CDC42SE2: variants seen among roughly 807,000 people sequenced by gnomAD.
The protein encoded by CDC42SE2 is CDC42 small effector protein 2.
Under a neutral mutation model 11.5 loss-of-function variants are expected in CDC42SE2, and 3 were observed. The ratio of observed to expected loss-of-function variants is 0.26; its 90% CI spans 0.12 to 0.67. The LOEUF (loss-of-function observed/expected upper bound fraction) is 0.67, where lower values mean the gene tolerates loss of function less well. Among genes scored for constraint, CDC42SE2 ranks in the 30% least tolerant of loss-of-function variants. The pLI, the probability that CDC42SE2 is intolerant of heterozygous loss-of-function variation, is 0.80. For missense variants in CDC42SE2, 82 were observed against 106.8 expected (o/e 0.77, Z 1.02); for synonymous variants, 33 against 34.8 (o/e 0.95, Z 0.18).
At chr5:131,286,392 T>TTG (rs1299893442) in intron 1 of CDC42SE2, among the ~76,000 whole-genome samples, 115 of 148,436 alleles carry the variant, frequency 7.7e-4, no homozygotes, top group Non-Finnish European at 1.4e-3. Context: ...CCAGTTTTTT[T>TTG]TTTTTTTTTT....
chr5:131,382,335 C>A (rs374198867), intron 3 of CDC42SE2, among the ~76,000 whole-genome samples: 2 of 152,130 alleles, frequency 1.3e-5, no homozygotes, highest in African/African-American at 4.8e-5. Context: ...TCTATTCATT[C>A]TTTTTGGGTG....
At chr5:131,289,075 TTCA>T (rs1757398879) in intron 1 of CDC42SE2, among the ~76,000 whole-genome samples, 1 of 152,234 alleles carries the variant, frequency 6.6e-6, no homozygotes, top group African/African-American at 2.4e-5. Context: ...ATTAATGTTT[TTCA>T]TCATAAGTTT....
intron 1 of CDC42SE2, among the ~76,000 whole-genome samples, chr5:131,281,421 T>C (rs1257858906): frequency 2.0e-5 from 3 of 152,222 alleles, no homozygotes; most frequent in African/African-American, 7.2e-5. Context: ...AGAAGTGTTT[T>C]TTATCTACAT....
chr5:131,293,497 G>A (rs1035184974), intron 1 of CDC42SE2, among the ~76,000 whole-genome samples: 10 of 151,568 alleles, frequency 6.6e-5, no homozygotes, highest in African/African-American at 2.4e-4. Flanking sequence ...GCTTGAACCC[G>A]GGAGGCGGAG....
intron 1 of CDC42SE2, among the ~76,000 whole-genome samples, chr5:131,288,500 A>C (rs1247881790): frequency 6.6e-6 from 1 of 151,964 alleles, no homozygotes; most frequent in African/African-American, 2.4e-5. Context: ...TGTAATTTCG[A>C]TTCCTTTTTT....
chr5:131,311,351 C>G (rs1045458596), intron 1 of CDC42SE2, among the ~76,000 whole-genome samples: 1 of 152,060 alleles, frequency 6.6e-6, no homozygotes. Context: ...GGTAACCCGA[C>G]TTTTCTCTCT....
At chr5:131,269,180 C>A (rs1366491733) in intron 1 of CDC42SE2, among the ~76,000 whole-genome samples, 2 of 152,038 alleles carry the variant, frequency 1.3e-5, no homozygotes, top group Non-Finnish European at 2.9e-5. Context: ...TGCTTTGGGC[C>A]CTCATCCAAA....
intron 2 of CDC42SE2, among the ~76,000 whole-genome samples, chr5:131,341,071 T>C (rs1175384946): frequency 6.6e-6 from 1 of 152,126 alleles, no homozygotes; most frequent in Non-Finnish European, 1.5e-5. Flanking sequence ...TTTGGAAAAA[T>C]ATTAATCATC....
intron 2 of CDC42SE2, among the ~76,000 whole-genome samples, chr5:131,317,416 G>GA (rs1758063312): frequency 6.6e-6 from 1 of 152,172 alleles, no homozygotes; most frequent in South Asian, 2.1e-4. Context: ...TCAATAGTAA[G>GA]AAGCATAATT....
intron 4 of CDC42SE2, among the ~76,000 whole-genome samples, chr5:131,387,278 G>C (rs904262204): frequency 6.6e-6 from 1 of 152,162 alleles, no homozygotes; most frequent in Non-Finnish European, 1.5e-5. Context: ...GCCAGGCACG[G>C]TGGCTCACGC....
chr5:131,231,060 A>G, the CDC42SE2 span, among the ~76,000 whole-genome samples: 4 of 152,222 alleles, frequency 2.6e-5, no homozygotes, highest in African/African-American at 9.6e-5. Context: ...GTTTATCAGC[A>G]GTATTGACCT....
At chr5:131,215,710 C>T in the CDC42SE2 span, among the ~76,000 whole-genome samples, 2 of 152,192 alleles carry the variant, frequency 1.3e-5, no homozygotes, top group African/African-American at 2.4e-5. Flanking sequence ...CATTCAAAAA[C>T]CTGTGTCTAG....
At chr5:131,235,890 G>A in the CDC42SE2 span, among the ~76,000 whole-genome samples, 4 of 152,108 alleles carry the variant, frequency 2.6e-5, no homozygotes, top group African/African-American at 7.2e-5. Context: ...CACCGCACCC[G>A]GCCCCATCCA....
chr5:131,380,736 C>A (rs1750296537), intron 3 of CDC42SE2, among the ~76,000 whole-genome samples: 1 of 152,080 alleles, frequency 6.6e-6, no homozygotes, highest in Non-Finnish European at 1.5e-5. Flanking sequence ...ATAATGAATT[C>A]TCTGCCATCT....
intron 1 of CDC42SE2, among the ~76,000 whole-genome samples, chr5:131,292,240 CAAAAA>C (rs1202956370): frequency 7.8e-5 from 2 of 25,604 alleles, no homozygotes; most frequent in East Asian, 1.5e-3. Context: ...TCTGTCTCAC[CAAAAA>C]AAAAAAAAAA....
At chr5:131,243,444 G>A (rs2149681207), upstream of CDC42SE2, among the ~76,000 whole-genome samples, 1 of 152,280 alleles carries the variant, frequency 6.6e-6, no homozygotes, top group Admixed American at 6.5e-5. Context: ...AAATTAGCCG[G>A]GCGTGGTGGT....
chr5:131,348,902 T>C (rs1758926070), intron 2 of CDC42SE2, among the ~76,000 whole-genome samples: 1 of 152,190 alleles, frequency 6.6e-6, no homozygotes, highest in Non-Finnish European at 1.5e-5. Flanking sequence ...GGATTCCCTG[T>C]TTAATAAATG....
intron 1 of CDC42SE2, among the ~76,000 whole-genome samples, chr5:131,282,996 C>T (rs1472503608): frequency 1.0e-4 from 15 of 149,326 alleles, no homozygotes; most frequent in African/African-American, 3.2e-4. Context: ...GGTGCAGTCT[C>T]GGCTCACCGC....
intron 3 of CDC42SE2, among the ~76,000 whole-genome samples, chr5:131,383,272 A>G (rs1205274977): frequency 6.6e-6 from 1 of 152,242 alleles, no homozygotes; most frequent in Non-Finnish European, 1.5e-5. Context: ...GCAGGAAACC[A>G]GTGCATTGTG....
Sources: gnomAD v4.1 joint callset for allele counts (sites outside exome capture counted in the v4.1 genomes callset) on GRCh38, gnomAD v4.1.1 for gene constraint, MANE v1.5 for transcripts, NCBI Gene and HGNC (gene_info 2026-07-23, HGNC 2026-07-21) for gene names.